PITPNC1: variants seen among roughly 807,000 people sequenced by gnomAD.
The protein encoded by PITPNC1 is cytoplasmic phosphatidylinositol transfer protein 1.
Under a neutral mutation model 44.7 loss-of-function variants are expected in PITPNC1, and 18 were observed. The observed-to-expected ratio is 0.40, with a 90% CI of 0.28 to 0.60. The LOEUF is 0.60. Ranked by LOEUF, PITPNC1 falls within the 20% of genes least tolerant of loss-of-function variation. PITPNC1 has a pLI of 0.39. For synonymous variants in PITPNC1, 141 were observed against 149.6 expected (o/e 0.94, Z 0.42); for missense variants, 290 against 418.4 (o/e 0.69, Z 2.68).
At chr17:67,643,955 C>T (rs988080083) in intron 6 of PITPNC1, among the ~76,000 whole-genome samples, 16 of 152,226 alleles carry the variant, frequency 1.1e-4, no homozygotes, top group Admixed American at 6.5e-4. Context: ...TTTCCCTTGT[C>T]GGTGTGAGTG....
At chr17:67,609,304 T>C (rs989283599) in intron 5 of PITPNC1, among the ~76,000 whole-genome samples, 1 of 150,408 alleles carries the variant, frequency 6.6e-6, no homozygotes, top group African/African-American at 2.4e-5. Flanking sequence ...TTTTTTTTTT[T>C]TTTGAGACAG....
intron 1 of PITPNC1, among the ~76,000 whole-genome samples, chr17:67,403,373 G>C (rs2143826314): frequency 6.6e-6 from 1 of 152,222 alleles, no homozygotes; most frequent in Non-Finnish European, 1.5e-5. Flanking sequence ...TTAAAATAAG[G>C]TTCTCGTTAG....
intron 3 of PITPNC1, 69 bp from the exon 4 acceptor site, chr17:67,553,541 A>C: frequency 2.9e-6 from 2 of 698,886 alleles, no homozygotes; most frequent in Non-Finnish European, 2.4e-6. Flanking sequence ...ATTGCATATA[A>C]GCATGATCTA....
At chr17:67,654,480 C>G (rs1437156167) in intron 6 of PITPNC1, among the ~76,000 whole-genome samples, 3 of 152,160 alleles carry the variant, frequency 2.0e-5, no homozygotes, top group African/African-American at 7.2e-5. Context: ...AAGATTTGAA[C>G]AAAGTGCACT....
rs7218821 is a variant in PITPNC1 at position 67,647,473 on chromosome 17, T to G, written c.462+15235T>G. 3.6e-3 allele frequency among the ~76,000 whole-genome samples: 332 copies of G among 92,308 alleles called. 2 individuals are homozygous for G. The highest frequency in any genetic ancestry group is 0.018 in the African/African-American group (298 of 16,312). 60.6% of individuals were successfully genotyped at this position (92,308 alleles called of 152,430 possible). Reference sequence around the variant, plus strand: ...ACCCAGCTAATTTTGGGTTTTTTTTTTTTTTTTTTTTTTTTTTTTTGTAGA... The same window carrying G: ...ACCCAGCTAATTTTGGGTTTTTTTTGTTTTTTTTTTTTTTTTTTTTGTAGA... On this transcript the variant is annotated intron_variant, in intron 6 of 8. Transcript: ENST00000581322.
rs1450975750 is a variant in PITPNC1 at position 67,417,928 on chromosome 17, CACCT to C, written c.48+39729_48+39732del. ...GAGTGGTGGCACACATCTGTAGTCC[CACCT>C]ACTTGGGAGGCTGAGATGGGAGGAT... On this transcript the variant is annotated intron_variant, in intron 1 of 8. Coordinates refer to ENST00000581322, the MANE Select transcript of PITPNC1 (RefSeq NM_012417.4). Among the ~76,000 whole-genome samples, 16 of 152,182 alleles carry C rather than the reference CACCT, an allele frequency of 1.1e-4. No individual in the cohort carries two copies. The East Asian group carries it at 3.1e-3, about 29-fold the overall frequency.
At chr17:67,584,999 C>G (rs529191287) in intron 5 of PITPNC1, among the ~76,000 whole-genome samples, 1 of 152,062 alleles carries the variant, frequency 6.6e-6, no homozygotes, top group East Asian at 1.9e-4. Flanking sequence ...GCCTGTAATT[C>G]CAGGTACTCA....
intron 6 of PITPNC1, among the ~76,000 whole-genome samples, chr17:67,663,064 G>GGTT (rs2042371570): frequency 6.6e-6 from 1 of 152,136 alleles, no homozygotes; most frequent in South Asian, 2.1e-4. Flanking sequence ...GGGGTTGCTG[G>GGTT]GTTGAATGGT....
chr17:67,666,233 C>A (rs1012022168), intron 6 of PITPNC1, among the ~76,000 whole-genome samples: 7 of 152,194 alleles, frequency 4.6e-5, no homozygotes, highest in African/African-American at 1.7e-4. Flanking sequence ...TGGCCTCAAG[C>A]AATCCTCCTG....
At chr17:67,509,365 C>A (rs549308242) in intron 1 of PITPNC1, among the ~76,000 whole-genome samples, 31 of 151,620 alleles carry the variant, frequency 2.0e-4, no homozygotes, top group Non-Finnish European at 4.0e-4. Flanking sequence ...AACCCCATCT[C>A]TACTAAAAAT....
At chr17:67,555,550 G>C (rs2040824728) in intron 4 of PITPNC1, among the ~76,000 whole-genome samples, 2 of 152,124 alleles carry the variant, frequency 1.3e-5, no homozygotes, top group Admixed American at 1.3e-4. Flanking sequence ...CTTTGGGCCG[G>C]GTGCAGTGGC....
At chr17:67,673,906 G>A (rs969076345) in intron 7 of PITPNC1, among the ~76,000 whole-genome samples, 27 of 140,928 alleles carry the variant, frequency 1.9e-4, no homozygotes, top group Admixed American at 1.8e-3. Flanking sequence ...AGCCGAGATC[G>A]CAGTGAGCCG....
intron 4 of PITPNC1, among the ~76,000 whole-genome samples, chr17:67,554,501 G>A (rs965906468): frequency 6.6e-5 from 10 of 151,992 alleles, no homozygotes; most frequent in African/African-American, 1.2e-4. Context: ...TAGGCGATCC[G>A]CCCACCTTGG....
At chr17:67,396,271 T>G (rs897221941) in intron 1 of PITPNC1, among the ~76,000 whole-genome samples, 5 of 152,368 alleles carry the variant, frequency 3.3e-5, no homozygotes, top group Admixed American at 1.3e-4. Context: ...AGCCATTATT[T>G]ACGTAGGTGC....
chr17:67,445,172 C>G (rs377193265), intron 1 of PITPNC1, among the ~76,000 whole-genome samples: 4 of 151,854 alleles, frequency 2.6e-5, no homozygotes, highest in African/African-American at 9.7e-5. Flanking sequence ...GTGTGTTGAC[C>G]GACTTCAGTG....
chr17:67,452,230 C>T (rs750463213), intron 1 of PITPNC1, among the ~76,000 whole-genome samples: 4 of 151,712 alleles, frequency 2.6e-5, no homozygotes, highest in South Asian at 2.1e-4. Flanking sequence ...AGGCTAGTCT[C>T]GAACTCCTGA....
chr17:67,659,667 A>G (rs942333328), intron 6 of PITPNC1, among the ~76,000 whole-genome samples: 1 of 152,206 alleles, frequency 6.6e-6, no homozygotes, highest in Non-Finnish European at 1.5e-5. Context: ...GATGGTGGCC[A>G]TCTTTGGAGA....
chr17:67,584,736 T>C (rs1360707861), intron 5 of PITPNC1, among the ~76,000 whole-genome samples: 1 of 152,174 alleles, frequency 6.6e-6, no homozygotes, highest in Non-Finnish European at 1.5e-5. Flanking sequence ...CAAGTGTCAA[T>C]GAACCATTTG....
intron 1 of PITPNC1, among the ~76,000 whole-genome samples, chr17:67,490,407 A>T (rs1045456659): frequency 2.0e-5 from 3 of 151,968 alleles, no homozygotes; most frequent in African/African-American, 7.3e-5. Context: ...TAGATTGGCA[A>T]ACCAGATAAA....
Sources: gnomAD v4.1 joint callset for allele counts (sites outside exome capture counted in the v4.1 genomes callset) on GRCh38, gnomAD v4.1.1 for gene constraint, MANE v1.5 for transcripts, NCBI Gene and HGNC (gene_info 2026-07-23, HGNC 2026-07-21) for gene names.